Variants in LDLRAD3 observed in about 807,000 individuals in gnomAD.
The protein encoded by LDLRAD3 is low density lipoprotein receptor class A domain containing 3, also known as low-density lipoprotein receptor class A domain-containing protein 3.
In LDLRAD3, 20 loss-of-function variants were observed where a neutral mutation model predicts 29.4. That is an observed-to-expected ratio of 0.68 (90% confidence interval 0.48 to 0.99). The LOEUF (loss-of-function observed/expected upper bound fraction) is 0.99, where lower values mean the gene tolerates loss of function less well. Ranked by LOEUF, LDLRAD3 falls within the 50% of genes least tolerant of loss-of-function variation. LDLRAD3 has a pLI of 0.00. For synonymous variants in LDLRAD3, 157 were observed against 192.7 expected (o/e 0.81, Z 1.53); for missense variants, 420 against 454.3 (o/e 0.92, Z 0.69).
intron 4 of LDLRAD3, among the ~76,000 whole-genome samples, chr11:36,187,059 A>G (rs1186443079): frequency 6.6e-6 from 1 of 151,836 alleles, no homozygotes; most frequent in Non-Finnish European, 1.5e-5. Context: ...CCTGCCCCCA[A>G]CTCCTGCTAA....
intron 4 of LDLRAD3, among the ~76,000 whole-genome samples, chr11:36,132,648 C>T (rs978823028): frequency 7.9e-5 from 12 of 152,154 alleles, no homozygotes; most frequent in Non-Finnish European, 1.0e-4. Context: ...ATTTTTAATT[C>T]GGGTTTCAGG....
intron 4 of LDLRAD3, among the ~76,000 whole-genome samples, chr11:36,147,686 G>C (rs1451577703): frequency 6.6e-6 from 1 of 152,084 alleles, no homozygotes; most frequent in East Asian, 1.9e-4. Flanking sequence ...TCCTCATGGG[G>C]CTGTGGTATG....
intron 1 of LDLRAD3, among the ~76,000 whole-genome samples, chr11:36,009,572 T>C (rs1198964700): frequency 1.3e-5 from 2 of 152,236 alleles, no homozygotes; most frequent in African/African-American, 4.8e-5. Flanking sequence ...AATTAGACTC[T>C]TTAGGAAAGA....
chr11:36,199,090 C>T (rs1855078721), intron 4 of LDLRAD3, among the ~76,000 whole-genome samples: 1 of 152,098 alleles, frequency 6.6e-6, no homozygotes. Flanking sequence ...TTAGTAGAGA[C>T]GGGGTTTCAC....
chr11:35,957,809 A>G lies in LDLRAD3; in HGVS notation c.46+13665A>G, dbSNP rs868652270. On this transcript the variant is annotated intron_variant, in intron 1 of 5. Coordinates refer to ENST00000315571, the MANE Select transcript of LDLRAD3 (RefSeq NM_174902.4). ...AGACCTTATCTCAAAAAAAAAAAAA[A>G]AAAAAAGAAAAGAAAAGAAAAAAAT... Among the ~76,000 whole-genome samples the G allele has an allele frequency of 7.4e-5, 11 of 147,980 alleles. No individual in the cohort carries two copies. In the South Asian group the frequency reaches 2.4e-3, roughly 32 times the overall value.
At chr11:36,172,767 GGGATATT>G (rs1328728508) in intron 4 of LDLRAD3, among the ~76,000 whole-genome samples, 3 of 152,104 alleles carry the variant, frequency 2.0e-5, no homozygotes, top group African/African-American at 7.2e-5. Flanking sequence ...ATGTTCATCA[GGGATATT>G]GGTCTGTAAT....
chr11:36,174,633 A>G (rs2133351602), intron 4 of LDLRAD3, among the ~76,000 whole-genome samples: 1 of 152,358 alleles, frequency 6.6e-6, no homozygotes, highest in African/African-American at 2.4e-5. Flanking sequence ...ATCACTGGCC[A>G]TCAGAGAAAT....
At chr11:36,090,054 T>C (rs1366655893) in intron 3 of LDLRAD3, among the ~76,000 whole-genome samples, 1 of 152,242 alleles carries the variant, frequency 6.6e-6, no homozygotes, top group East Asian at 1.9e-4. Flanking sequence ...CATTGAGGCT[T>C]AGAGAAGTTG....
intron 4 of LDLRAD3, among the ~76,000 whole-genome samples, chr11:36,219,367 G>A (rs1444386631): frequency 6.6e-6 from 1 of 152,000 alleles, no homozygotes; most frequent in African/African-American, 2.4e-5. Flanking sequence ...TTGGAAGGGG[G>A]AAAAAGGCGT....
At chr11:36,202,602 A>G (rs1855142839) in intron 4 of LDLRAD3, among the ~76,000 whole-genome samples, 8 of 152,016 alleles carry the variant, frequency 5.3e-5, no homozygotes, top group Admixed American at 5.2e-4. Context: ...ATTCACTATC[A>G]TTTTTCTCCA....
At chr11:36,207,761 G>T (rs1415225632) in intron 4 of LDLRAD3, among the ~76,000 whole-genome samples, 2 of 152,132 alleles carry the variant, frequency 1.3e-5, no homozygotes, top group Non-Finnish European at 2.9e-5. Context: ...CAAAAGGCAG[G>T]CATTGGAGGA....
At chr11:36,191,535 C>CCTGTCT (rs1554972470) in intron 4 of LDLRAD3, among the ~76,000 whole-genome samples, 54 of 53,770 alleles carry the variant, frequency 1.0e-3, no homozygotes, top group African/African-American at 4.4e-3. Flanking sequence ...AGAGCAAGAC[C>CCTGTCT]CTGTCTCTCT....
At chr11:36,141,861 A>G (rs1854091628) in intron 4 of LDLRAD3, among the ~76,000 whole-genome samples, 1 of 152,178 alleles carries the variant, frequency 6.6e-6, no homozygotes, top group African/African-American at 2.4e-5. Context: ...GGCAGGCTAA[A>G]ACACAGTGCA....
At chr11:36,055,322 G>A (rs1352303318) in intron 2 of LDLRAD3, among the ~76,000 whole-genome samples, 1 of 151,648 alleles carries the variant, frequency 6.6e-6, no homozygotes, top group Non-Finnish European at 1.5e-5. Context: ...GTCCCAAGGG[G>A]TATGAACTCT....
intron 1 of LDLRAD3, among the ~76,000 whole-genome samples, chr11:35,992,202 C>T (rs1851700171): frequency 6.6e-6 from 1 of 152,130 alleles, no homozygotes; most frequent in South Asian, 2.1e-4. Flanking sequence ...ATCCAGGTGG[C>T]TGCATGAACA....
At chr11:36,100,504 A>G (rs942939958) in intron 4 of LDLRAD3, among the ~76,000 whole-genome samples, 1 of 152,156 alleles carries the variant, frequency 6.6e-6, no homozygotes, top group African/African-American at 2.4e-5. Flanking sequence ...CAGTGGCGTG[A>G]TCTTGGCTCA....
intron 1 of LDLRAD3, among the ~76,000 whole-genome samples, chr11:36,024,741 G>A (rs1852141642): frequency 6.6e-6 from 1 of 152,226 alleles, no homozygotes; most frequent in African/African-American, 2.4e-5. Flanking sequence ...GCCCTACCAA[G>A]TCACAGCCTT....
chr11:36,036,962 A>G (rs886570848), intron 2 of LDLRAD3, among the ~76,000 whole-genome samples: 6 of 152,078 alleles, frequency 3.9e-5, no homozygotes, highest in African/African-American at 1.2e-4. Context: ...CGGGGATGTG[A>G]GTTGAGAGGG....
intron 2 of LDLRAD3, among the ~76,000 whole-genome samples, chr11:36,047,050 G>A (rs1852460589): frequency 8.0e-6 from 1 of 125,244 alleles, no homozygotes; most frequent in African/African-American, 2.5e-5. Flanking sequence ...GTAGCCCTGG[G>A]GCTGGAGGGG....
Sources: gnomAD v4.1 joint callset for allele counts (sites outside exome capture counted in the v4.1 genomes callset) on GRCh38, gnomAD v4.1.1 for gene constraint, MANE v1.5 for transcripts, NCBI Gene and HGNC (gene_info 2026-07-23, HGNC 2026-07-21) for gene names.